Variants in EPHA6 observed in about 807,000 individuals in gnomAD.
EPHA6 encodes the protein EPH receptor A6.
Under a neutral mutation model 112.0 loss-of-function variants are expected in EPHA6, and 50 were observed. The observed-to-expected ratio is 0.45, with a 90% CI of 0.36 to 0.56. The LOEUF (loss-of-function observed/expected upper bound fraction) is 0.56, where lower values mean the gene tolerates loss of function less well. EPHA6 is among the 20% of genes least tolerant of loss of function. The pLI, the probability that EPHA6 is intolerant of heterozygous loss-of-function variation, is 0.00. For synonymous variants in EPHA6, 529 were observed against 490.7 expected (o/e 1.08, Z -1.03); for missense variants, 1,280 against 1,417.4 (o/e 0.90, Z 1.56).
rs529024977 is a variant in EPHA6 at position 96,864,132 on chromosome 3, A to G, written c.386-2693A>G. ...TACATTTCCCTATTGTGAATCTAAA[A>G]TTTCACAGCAGTCAGTTTTGGAATC... On this transcript the variant is annotated intron_variant, in intron 1 of 17. Coordinates refer to ENST00000389672, the MANE Select transcript of EPHA6 (RefSeq NM_001080448.3). Among the ~76,000 whole-genome samples, 4 of 152,168 alleles carry G rather than the reference A, an allele frequency of 2.6e-5. No individual in the cohort carries two copies. The East Asian group carries it at 7.7e-4, about 29-fold the overall frequency.
intron 5 of EPHA6, among the ~76,000 whole-genome samples, chr3:97,344,854 A>C (rs2083463235): frequency 6.6e-6 from 1 of 152,150 alleles, no homozygotes; most frequent in Non-Finnish European, 1.5e-5. Context: ...AATTCTATAG[A>C]ATCTGAGACA....
intron 10 of EPHA6, among the ~76,000 whole-genome samples, chr3:97,507,016 G>C (rs2092266909): frequency 6.6e-6 from 1 of 152,118 alleles, no homozygotes. Context: ...CATTGATTTT[G>C]TATCCTGGGA....
chr3:97,295,554 AT>A (rs201395783), intron 5 of EPHA6, among the ~76,000 whole-genome samples: 19,112 of 136,862 alleles, frequency 0.14, 2,387 homozygotes, highest in African/African-American at 0.32. Context: ...AATATTTTGA[AT>A]TTTTTTTTTT....
intron 14 of EPHA6, among the ~76,000 whole-genome samples, chr3:97,678,704 C>CT (rs1414665902): frequency 6.6e-6 from 1 of 152,014 alleles, no homozygotes; most frequent in Non-Finnish European, 1.5e-5. Context: ...TGTCAGAACT[C>CT]TAATAGTTTT....
At chr3:96,924,941 A>G (rs557942823) in intron 2 of EPHA6, among the ~76,000 whole-genome samples, 3 of 152,214 alleles carry the variant, frequency 2.0e-5, no homozygotes, top group Admixed American at 6.5e-5. Flanking sequence ...AACATATGCA[A>G]ATCACCTTTA....
intron 17 of EPHA6, among the ~76,000 whole-genome samples, chr3:97,748,173 T>C (rs1174437024): frequency 6.6e-6 from 1 of 152,118 alleles, no homozygotes; most frequent in Non-Finnish European, 1.5e-5. Context: ...ACGGAGTTCA[T>C]ATTATACCTT....
In EPHA6 at chr3:97,213,272, AGAG is replaced by A. The variant is rs540887821; in HGVS notation, c.1115-12986_1115-12984del. Among the ~76,000 whole-genome samples the A allele has an allele frequency of 7.5e-4, 114 of 152,130 alleles. 1 individual carries two copies. The highest frequency in any genetic ancestry group is 1.5e-4 in the Non-Finnish European group (10 of 68,018). On this transcript the variant is annotated intron_variant, in intron 3 of 17. Transcript: ENST00000389672. Reference sequence around the variant, plus strand: ...CTACATTCACTTCCAGGGCCATGTGAGAGGAGGACAGAGAGAAAAAGAAACATA... The same window carrying A: ...CTACATTCACTTCCAGGGCCATGTGAGAGGACAGAGAGAAAAAGAAACATA...
intron 11 of EPHA6, among the ~76,000 whole-genome samples, chr3:97,586,432 C>G (rs900637177): frequency 6.6e-6 from 1 of 152,128 alleles, no homozygotes; most frequent in Non-Finnish European, 1.5e-5. Flanking sequence ...GAATCTCTAG[C>G]CTCATCCACC....
intron 5 of EPHA6, among the ~76,000 whole-genome samples, chr3:97,290,575 G>A (rs750679884): frequency 2.0e-5 from 3 of 152,074 alleles, no homozygotes; most frequent in African/African-American, 7.2e-5. Flanking sequence ...TTCTCTCTCT[G>A]TTTAGATTTT....
At chr3:96,915,528 A>T (rs114341778) in intron 2 of EPHA6, among the ~76,000 whole-genome samples, 1,851 of 152,128 alleles carry the variant, frequency 0.012, 34 homozygotes, top group African/African-American at 0.043. Context: ...AATTTTAAGA[A>T]CTCTGACAGT....
rs372469412 is a variant in EPHA6, at chr3:96,920,043, A to G, written c.450+53154A>G. Among the ~76,000 whole-genome samples the G allele has an allele frequency of 2.8e-4, 43 of 152,068 alleles. No homozygotes were observed. In the South Asian group the frequency reaches 8.5e-3, roughly 30 times the overall value. On this transcript the variant is annotated intron_variant, in intron 2 of 17. Transcript: ENST00000389672. ...TTTGGAGCAGGCCGAGATTTCTTAA[A>G]GACTACTGAAAATACTTGCATTACA...
chr3:97,259,701 A>C (rs2079433887), intron 5 of EPHA6, among the ~76,000 whole-genome samples: 1 of 152,200 alleles, frequency 6.6e-6, no homozygotes, highest in Non-Finnish European at 1.5e-5. Context: ...GTAAGAAAGG[A>C]AGAGAGGTAG....
At chr3:96,992,810 C>T (rs2107867143) in intron 3 of EPHA6, among the ~76,000 whole-genome samples, 1 of 152,076 alleles carries the variant, frequency 6.6e-6, no homozygotes, top group East Asian at 1.9e-4. Context: ...GCTTTTGTAC[C>T]CTTTTCTTCT....
intron 5 of EPHA6, among the ~76,000 whole-genome samples, chr3:97,320,959 A>G (rs946340770): frequency 6.6e-6 from 1 of 152,102 alleles, no homozygotes; most frequent in Non-Finnish European, 1.5e-5. Context: ...CACAAAAAAC[A>G]TGGGTGGCCT....
At chr3:97,303,747 A>C (rs1336802570) in intron 5 of EPHA6, among the ~76,000 whole-genome samples, 1 of 152,072 alleles carries the variant, frequency 6.6e-6, no homozygotes, top group Non-Finnish European at 1.5e-5. Flanking sequence ...CTGGGGAGCC[A>C]TTTAAAAAAA....
At chr3:97,271,921 T>C (rs554412488) in intron 5 of EPHA6, among the ~76,000 whole-genome samples, 19 of 152,308 alleles carry the variant, frequency 1.2e-4, no homozygotes, top group Middle Eastern at 3.4e-3. Flanking sequence ...ATCATTTGTG[T>C]GTAGATGGGG....
chr3:97,533,917 C>T (rs2092725588), intron 11 of EPHA6, among the ~76,000 whole-genome samples: 1 of 152,102 alleles, frequency 6.6e-6, no homozygotes, highest in South Asian at 2.1e-4. Flanking sequence ...ATAGCTATAG[C>T]TGTGGTTGAC....
chr3:97,357,495 C>T (rs2084145374), intron 5 of EPHA6, among the ~76,000 whole-genome samples: 1 of 152,156 alleles, frequency 6.6e-6, no homozygotes, highest in Non-Finnish European at 1.5e-5. Flanking sequence ...AGCCACTGTG[C>T]CCAACTAGAC....
intron 5 of EPHA6, among the ~76,000 whole-genome samples, chr3:97,284,119 A>C (rs937892825): frequency 1.3e-5 from 2 of 152,136 alleles, no homozygotes; most frequent in Non-Finnish European, 2.9e-5. Context: ...CTATATCAAA[A>C]ATGTATTTTT....
Sources: gnomAD v4.1 joint callset for allele counts (sites outside exome capture counted in the v4.1 genomes callset) on GRCh38, gnomAD v4.1.1 for gene constraint, MANE v1.5 for transcripts, NCBI Gene and HGNC (gene_info 2026-07-23, HGNC 2026-07-21) for gene names.